The following ATF7IP2 variants were observed in gnomAD, a reference collection of about 807,000 sequenced individuals.
ATF7IP2 encodes the protein activating transcription factor 7-interacting protein 2.
Under a neutral mutation model 64.2 loss-of-function variants are expected in ATF7IP2, and 42 were observed. The ratio of observed to expected loss-of-function variants is 0.65; its 90% CI spans 0.51 to 0.85. The LOEUF (loss-of-function observed/expected upper bound fraction) is 0.85, where lower values mean the gene tolerates loss of function less well. Ranked by LOEUF, ATF7IP2 falls within the 40% of genes least tolerant of loss-of-function variation. The pLI is 0.00. For synonymous variants in ATF7IP2, 308 were observed against 272.8 expected, an observed-to-expected ratio of 1.13 and a Z score of -1.27; for missense variants, 933 against 784.2, an observed-to-expected ratio of 1.19 and a Z score of -2.27.
At chr16:10,433,700 GGTAAAA>G (rs774126998) in intron 6 of ATF7IP2, 51 bp downstream of exon 6, 1 of 1,587,212 alleles carries the variant, frequency 6.3e-7, no homozygotes, top group Non-Finnish European at 8.6e-7. Flanking sequence ...AGTAAAACAT[GGTAAAA>G]GTTAATTATC....
chr16:10,390,433 G>A (rs2141730474), intron 1 of ATF7IP2, among the ~76,000 whole-genome samples: 1 of 152,268 alleles, frequency 6.6e-6, no homozygotes, highest in South Asian at 2.1e-4. Flanking sequence ...AAACTTGTGG[G>A]CTCAACTAAA....
intron 1 of ATF7IP2, among the ~76,000 whole-genome samples, chr16:10,403,505 G>A (rs932719040): frequency 1.3e-5 from 2 of 152,166 alleles, no homozygotes; most frequent in African/African-American, 4.8e-5. Context: ...AGAAGCAGAT[G>A]TGTCTCTGGA....
At chr16:10,433,413 C>T in intron 5 of ATF7IP2, 112 bp from the exon 6 acceptor site, 2 of 968,658 alleles carry the variant, frequency 2.1e-6, no homozygotes, top group Non-Finnish European at 1.5e-6. Context: ...GGCCTTAAGC[C>T]ACCCTCCCTC....
In ATF7IP2 at chr16:10,416,487, T is replaced by C. The variant is rs549583796; in HGVS notation, c.-203+1875T>C. ...TGGGGAAGAAGGTGGGGGTGGTTAATGGGTATAAAAAGTAGTTAGAATGGG... is the reference window on the plus strand; with the variant it reads ...TGGGGAAGAAGGTGGGGGTGGTTAACGGGTATAAAAAGTAGTTAGAATGGG... On this transcript the variant is annotated intron_variant, in intron 2 of 13. Coordinates refer to ENST00000562102, the MANE Select transcript of ATF7IP2 (RefSeq NM_001393719.1). Among the ~76,000 whole-genome samples, 142 of 152,100 alleles carry C rather than the reference T, an allele frequency of 9.3e-4. 1 individual carries two copies. Among genetic ancestry groups the C allele is most frequent in the African/African-American group, 2.1e-3 (87 of 41,528 alleles).
chr16:10,463,658 G>A (rs981379060), intron 9 of ATF7IP2, among the ~76,000 whole-genome samples: 1 of 152,096 alleles, frequency 6.6e-6, no homozygotes, highest in Non-Finnish European at 1.5e-5. Context: ...ATGAGAAAAC[G>A]TGAGGTAGAA....
intron 1 of ATF7IP2, among the ~76,000 whole-genome samples, chr16:10,407,721 G>C (rs559871908): frequency 6.6e-6 from 1 of 152,106 alleles, no homozygotes; most frequent in African/African-American, 2.4e-5. Flanking sequence ...TGATTTGTGA[G>C]ATTTTGGTGC....
intron 8 of ATF7IP2, among the ~76,000 whole-genome samples, chr16:10,453,475 C>T (rs940973134): frequency 1.3e-5 from 2 of 152,194 alleles, no homozygotes; most frequent in African/African-American, 4.8e-5. Flanking sequence ...CAGAAATCAC[C>T]TGCCTTCTGC....
intron 1 of ATF7IP2, among the ~76,000 whole-genome samples, chr16:10,391,711 A>G (rs1455495694): frequency 6.6e-6 from 1 of 152,172 alleles, no homozygotes; most frequent in African/African-American, 2.4e-5. Context: ...CAGCCTAGCC[A>G]ACATGGTGAA....
intron 1 of ATF7IP2, among the ~76,000 whole-genome samples, chr16:10,394,315 AAG>A (rs1464213499): frequency 6.6e-6 from 1 of 152,250 alleles, no homozygotes. Flanking sequence ...ATAATGACAG[AAG>A]AGTTGGTGCC....
intron 12 of ATF7IP2, among the ~76,000 whole-genome samples, chr16:10,477,129 G>A (rs184823534): frequency 5.9e-5 from 9 of 152,274 alleles, no homozygotes; most frequent in African/African-American, 2.2e-4. Flanking sequence ...GTATACAGCA[G>A]AAGAAACTAT....
intron 1 of ATF7IP2, among the ~76,000 whole-genome samples, chr16:10,392,470 A>G (rs1404700372): frequency 6.6e-6 from 1 of 151,850 alleles, no homozygotes; most frequent in African/African-American, 2.4e-5. Context: ...TTCTACCTCA[A>G]TTTTAATGGA....
chr16:10,434,460 T>G (rs1285943291), intron 6 of ATF7IP2, among the ~76,000 whole-genome samples: 1 of 152,190 alleles, frequency 6.6e-6, no homozygotes, highest in African/African-American at 2.4e-5. Flanking sequence ...ACAGAAACAC[T>G]ACCATTTTTT....
At chr16:10,473,894 C>CTTTTTTTTTTTT (rs56766112) in intron 11 of ATF7IP2, 29 bp from the exon 12 acceptor site, 3 of 1,044,358 alleles carry the variant, frequency 2.9e-6, no homozygotes, top group Admixed American at 2.8e-5. Context: ...TGAGGCAAAG[C>CTTTTTTTTTTTT]TTTTTTTTTT....
intron 3 of ATF7IP2, among the ~76,000 whole-genome samples, chr16:10,425,676 C>T (rs1197065739): frequency 6.6e-6 from 1 of 151,970 alleles, no homozygotes. Context: ...GGCACATCAC[C>T]TGAGGTTGGG....
chr16:10,453,742 C>T lies in ATF7IP2; in HGVS notation c.1195-3630C>T, dbSNP rs143897120. Among the ~76,000 whole-genome samples the T allele has an allele frequency of 3.8e-3, 574 of 152,228 alleles. 3 individuals are homozygous for T. The highest frequency in any genetic ancestry group is 0.012 in the African/African-American group (495 of 41,544). ...AAGCAATTCTCCTACCTCAGCCTCC[C>T]GAGTAGCTGGGATTACAGTCATGCG... On this transcript the variant is annotated intron_variant, in intron 8 of 13. Transcript: ENST00000562102.
At chr16:10,475,654 C>G (rs1008402733) in intron 12 of ATF7IP2, among the ~76,000 whole-genome samples, 6 of 137,082 alleles carry the variant, frequency 4.4e-5, no homozygotes, top group African/African-American at 1.7e-4. Context: ...GATCGCGCCA[C>G]TGCACTCCAG....
chr16:10,405,948 G>C (rs1298518222), intron 1 of ATF7IP2, among the ~76,000 whole-genome samples: 1 of 152,114 alleles, frequency 6.6e-6, no homozygotes, highest in Non-Finnish European at 1.5e-5. Flanking sequence ...AACTAGCTGG[G>C]TGTGGTGGCA....
At chr16:10,456,051 C>G (rs1339864436) in intron 8 of ATF7IP2, among the ~76,000 whole-genome samples, 1 of 151,712 alleles carries the variant, frequency 6.6e-6, no homozygotes, top group Non-Finnish European at 1.5e-5. Flanking sequence ...ACAATCTCGG[C>G]TCACTGCAAC....
intron 7 of ATF7IP2, 76 bp downstream of exon 7, chr16:10,438,311 G>T: frequency 1.4e-6 from 2 of 1,432,002 alleles, no homozygotes; most frequent in Admixed American, 2.5e-5. Context: ...GCTGCAGTAC[G>T]GTGGCTCACT....
Sources: allele counts gnomAD v4.1 joint callset (sites outside exome capture counted in the v4.1 genomes callset), GRCh38; gene constraint gnomAD v4.1.1; transcripts MANE v1.5; gene names NCBI Gene and HGNC (gene_info 2026-07-23, HGNC 2026-07-21).